Variants in EYA3 observed in about 807,000 individuals in gnomAD.
EYA3 encodes the protein EYA transcriptional coactivator and phosphatase 3.
A neutral mutation model predicts 80.0 loss-of-function variants in EYA3; 39 were observed. That is an observed-to-expected ratio of 0.49 (90% CI 0.38 to 0.64). The LOEUF is 0.64. Ranked by LOEUF, EYA3 falls within the 30% of genes least tolerant of loss-of-function variation. EYA3 has a pLI of 0.00. For missense variants in EYA3, 523 were observed against 676.1 expected (o/e 0.77, Z 2.51); for synonymous variants, 206 against 232.8 (o/e 0.88, Z 1.05).
In EYA3 at chr1:28,004,723, T is replaced by C. The variant is rs375861142; in HGVS notation, c.910-304A>G. 3.9e-5 allele frequency among the ~76,000 whole-genome samples: 6 copies of C among 151,900 alleles called. No homozygotes were observed. In the South Asian group the frequency reaches 1.0e-3, roughly 26 times the overall value. On this transcript the variant is annotated intron_variant, in intron 10 of 17. Transcript: ENST00000373871. ...TACATATATATATGTATTTTATACA[T>C]ACATTAAAAAAGACAAATGATCCCA...
chr1:28,086,559 A>G (rs952641420), intron 1 of EYA3, among the ~76,000 whole-genome samples: 1 of 152,198 alleles, frequency 6.6e-6, no homozygotes, highest in Non-Finnish European at 1.5e-5. Flanking sequence ...AATCTTTATA[A>G]CTAGATTTTA....
intron 13 of EYA3, 42 bp downstream of exon 13, chr1:27,997,278 A>T: frequency 6.4e-7 from 1 of 1,563,544 alleles, no homozygotes; most frequent in Non-Finnish European, 8.8e-7. Flanking sequence ...GATCTTGCAC[A>T]TAACAGGTGT....
At chr1:28,062,541 C>A (rs1644668016) in intron 1 of EYA3, among the ~76,000 whole-genome samples, 1 of 151,984 alleles carries the variant, frequency 6.6e-6, no homozygotes, top group South Asian at 2.1e-4. Flanking sequence ...TCTGTTTTGT[C>A]CCAAGTTCAA....
chr1:27,978,274 T>C (rs72656546), intron 17 of EYA3, 100 bp downstream of exon 17: 12,743 of 783,630 alleles, frequency 0.016, 276 homozygotes, highest in African/African-American at 0.085. Flanking sequence ...AGAGAAAATA[T>C]TATAAATGCA....
intron 1 of EYA3, among the ~76,000 whole-genome samples, chr1:28,062,614 T>C (rs1644670078): frequency 6.6e-6 from 1 of 151,766 alleles, no homozygotes; most frequent in African/African-American, 2.4e-5. Context: ...TTCAATGTGT[T>C]ATTAAAGCTC....
In EYA3 at chr1:27,995,562, T is replaced by C. The variant is rs1053206412; in HGVS notation, c.1142+1758A>G. Among the ~76,000 whole-genome samples, 26 of 151,272 alleles carry C rather than the reference T, an allele frequency of 1.7e-4. 1 individual carries two copies. Among genetic ancestry groups the C allele is most frequent in the Admixed American group, 7.9e-4 (12 of 15,140 alleles). ...GACAAGTGTGGGCAACATGGCACTC[T>C]TGCCTCTACTAAAAATACAAAAAAT... is the stretch of plus-strand genomic sequence containing the variant. On this transcript the variant is annotated intron_variant, in intron 13 of 17. Coordinates refer to ENST00000373871, the MANE Select transcript of EYA3 (RefSeq NM_001990.4).
intron 10 of EYA3, 48 bp from the exon 11 acceptor site, chr1:28,004,467 G>C: frequency 1.5e-6 from 2 of 1,361,112 alleles, no homozygotes; most frequent in Non-Finnish European, 2.1e-6. Context: ...AATTACAATG[G>C]AATGAAACCA....
In EYA3 at chr1:27,977,302, T is replaced by G. The variant is rs145843271; in HGVS notation, c.1641+1072A>C. 6.4e-4 allele frequency: 990 copies of G among 1,550,466 alleles called. 7 individuals are homozygous for G. The African/African-American group carries it at 0.011, about 17-fold the overall frequency. ...CAATCTCATAGTTTATTATAGTTGCTAAGGTTTCCACTTAACTGGATGAAG... is the reference window on the plus strand; with the variant it reads ...CAATCTCATAGTTTATTATAGTTGCGAAGGTTTCCACTTAACTGGATGAAG... On this transcript the variant is annotated intron_variant, in intron 17 of 17. Transcript: ENST00000373871.
chr1:28,003,874 T>C (rs1641076391), intron 11 of EYA3, among the ~76,000 whole-genome samples: 1 of 133,966 alleles, frequency 7.5e-6, no homozygotes, highest in Non-Finnish European at 1.6e-5. Flanking sequence ...GTGTATTTAG[T>C]TTAAAAAGGG....
chr1:28,068,861 C>CAGT (rs1644924279), intron 1 of EYA3, among the ~76,000 whole-genome samples: 1 of 152,140 alleles, frequency 6.6e-6, no homozygotes, highest in African/African-American at 2.4e-5. Flanking sequence ...GCCTGGAGTA[C>CAGT]AGTGGCACAA....
chr1:28,045,579 C>T (rs1221844424), intron 3 of EYA3, among the ~76,000 whole-genome samples: 1 of 151,992 alleles, frequency 6.6e-6, no homozygotes, highest in East Asian at 1.9e-4. Context: ...AGCAACATCC[C>T]CTACATACTC....
intron 3 of EYA3, among the ~76,000 whole-genome samples, chr1:28,047,714 C>T (rs1177856846): frequency 6.6e-6 from 1 of 151,194 alleles, no homozygotes; most frequent in Non-Finnish European, 1.5e-5. Context: ...TCTCAGCTCA[C>T]CGCAAGCTCC....
At chr1:27,983,115 A>G (rs865816351) in intron 16 of EYA3, among the ~76,000 whole-genome samples, 16 of 152,208 alleles carry the variant, frequency 1.1e-4, no homozygotes, top group Non-Finnish European at 5.9e-5. Context: ...GAGAGTATAT[A>G]GTATATATTT....
chr1:28,020,667 C>CATGTGTGTGT (rs1642370851), intron 7 of EYA3, among the ~76,000 whole-genome samples: 1 of 134,478 alleles, frequency 7.4e-6, no homozygotes, highest in Non-Finnish European at 1.6e-5. Flanking sequence ...TACAGATCAT[C>CATGTGTGTGT]GTGTGTGTGT....
intron 15 of EYA3, 110 bp from the exon 16 acceptor site, chr1:27,988,766 G>C: frequency 1.6e-6 from 2 of 1,252,456 alleles, no homozygotes; most frequent in Non-Finnish European, 2.2e-6. Context: ...AACTTTAAAG[G>C]ACCTGGTATT....
intron 1 of EYA3, among the ~76,000 whole-genome samples, chr1:28,087,804 T>C (rs1321302061): frequency 6.6e-6 from 1 of 152,222 alleles, no homozygotes; most frequent in Non-Finnish European, 1.5e-5. Flanking sequence ...CTGCCACCTG[T>C]TAGCTGCTCT....
At chr1:28,069,679 C>A (rs1012579377) in intron 1 of EYA3, among the ~76,000 whole-genome samples, 1 of 151,350 alleles carries the variant, frequency 6.6e-6, no homozygotes. Flanking sequence ...GGGGGGAAAT[C>A]CCCTTTCCCA....
intron 15 of EYA3, among the ~76,000 whole-genome samples, chr1:27,988,935 A>C (rs563424572): frequency 2.6e-5 from 4 of 152,306 alleles, no homozygotes; most frequent in African/African-American, 9.6e-5. Context: ...TCTAGTCACA[A>C]GTACTTGATA....
chr1:28,026,984 TAA>T (rs1206689399), intron 7 of EYA3, among the ~76,000 whole-genome samples: 2 of 152,208 alleles, frequency 1.3e-5, no homozygotes, highest in Admixed American at 1.3e-4. Context: ...GTTTATACAT[TAA>T]GAGTACTTCA....
Sources: allele counts gnomAD v4.1 joint callset (sites outside exome capture counted in the v4.1 genomes callset), GRCh38; gene constraint gnomAD v4.1.1; transcripts MANE v1.5; gene names NCBI Gene and HGNC (gene_info 2026-07-23, HGNC 2026-07-21).